SHANK2: variants seen among roughly 807,000 people sequenced by gnomAD.
SHANK2 encodes the protein SH3 and multiple ankyrin repeat domains 2, also known as SH3 and multiple ankyrin repeat domains protein 2.
SHANK2 carries 43 observed loss-of-function variants against 133.7 expected under a neutral mutation model. The ratio of observed to expected loss-of-function variants is 0.32; its 90% CI spans 0.25 to 0.41. The LOEUF (loss-of-function observed/expected upper bound fraction) is 0.41, where lower values mean the gene tolerates loss of function less well. Ranked by LOEUF, SHANK2 falls within the 10% of genes least tolerant of loss-of-function variation. The pLI, the probability that SHANK2 is intolerant of heterozygous loss-of-function variation, is 1.00. For synonymous variants in SHANK2, 1,017 were observed against 952.8 expected (o/e 1.07, Z -1.24); for missense variants, 1,994 against 2,235.8 (o/e 0.89, Z 2.18).
At chr11:70,657,985 G>A (rs149645882) in intron 17 of SHANK2, among the ~76,000 whole-genome samples, 153 of 152,270 alleles carry the variant, frequency 1.0e-3, no homozygotes, top group Non-Finnish European at 1.8e-3. Context: ...ACGTGCCTCA[G>A]CAGGCCACGT....
intron 3 of SHANK2, among the ~76,000 whole-genome samples, chr11:71,125,293 C>G (rs1952160836): frequency 6.6e-6 from 1 of 152,028 alleles, no homozygotes; most frequent in Non-Finnish European, 1.5e-5. Flanking sequence ...TGAGTCAGGC[C>G]AAAAGTGAGG....
chr11:70,503,085 G>C (rs1376190142), intron 17 of SHANK2, among the ~76,000 whole-genome samples, 154 bp from the exon 18 acceptor site: 1 of 152,208 alleles, frequency 6.6e-6, no homozygotes, highest in Non-Finnish European at 1.5e-5. Context: ...AAGCAAAGGT[G>C]CTTTTGGGGA....
chr11:70,893,887 AAT>A (rs1298061688), intron 11 of SHANK2, among the ~76,000 whole-genome samples: 21 of 152,182 alleles, frequency 1.4e-4, no homozygotes, highest in African/African-American at 4.8e-4. Context: ...GGCACTTCAA[AAT>A]ATGTTAGTCA....
intron 17 of SHANK2, among the ~76,000 whole-genome samples, chr11:70,532,199 A>G (rs186309171): frequency 4.6e-5 from 7 of 152,184 alleles, no homozygotes; most frequent in Non-Finnish European, 7.3e-5. Flanking sequence ...GTTCTCAGGA[A>G]CATGTCAGTT....
chr11:70,584,474 C>A (rs536761353), intron 17 of SHANK2, among the ~76,000 whole-genome samples: 1 of 152,266 alleles, frequency 6.6e-6, no homozygotes, highest in Admixed American at 6.5e-5. Flanking sequence ...CCACCCCACC[C>A]CTCCTCTATC....
At position 70,807,090 on chromosome 11, in the gene SHANK2, G is replaced by A. The variant is rs1948180064; in HGVS notation, c.1575C>T (p.Ala525=). 2.8e-6 allele frequency: 2 copies of A among 717,922 alleles called. No homozygotes were observed. Among genetic ancestry groups the A allele is most frequent in the Non-Finnish European group, 5.2e-6 (2 of 384,994 alleles). 44.5% of individuals were successfully genotyped at this position (717,922 alleles called of 1,614,324 possible). Residue 525 remains alanine, a synonymous_variant, in exon 13 of 26, where the codon GCC becomes GCT. Transcript: ENST00000601538. This position sits in a 1 kb window ranked among gnomAD's most constrained non-coding sequence, Gnocchi z 4.8. ...YPGPKRKLYS[A]VPGRLFVAVK... is the part of the protein sequence containing the mutation. Reference sequence around the variant, plus strand: ...CAGCGACGAAGAGCCTCCCGGGCACGGCACTGTAGAGCTTCCGCTTGGGCC... The same window carrying A: ...CAGCGACGAAGAGCCTCCCGGGCACAGCACTGTAGAGCTTCCGCTTGGGCC...
At chr11:70,945,684 C>A (rs975928719) in intron 10 of SHANK2, among the ~76,000 whole-genome samples, 13 of 152,188 alleles carry the variant, frequency 8.5e-5, no homozygotes, top group Non-Finnish European at 1.5e-4. Flanking sequence ...GGGTTGACCT[C>A]AGGTGGCTTT....
intron 10 of SHANK2, among the ~76,000 whole-genome samples, chr11:70,929,588 A>T (rs1555082167): frequency 6.6e-6 from 1 of 151,864 alleles, no homozygotes; most frequent in Non-Finnish European, 1.5e-5. Context: ...GCATCTTCAA[A>T]TCTCTCTCCG....
chr11:70,562,680 G>C (rs1187399502), intron 17 of SHANK2, among the ~76,000 whole-genome samples: 6 of 151,998 alleles, frequency 3.9e-5, no homozygotes, highest in African/African-American at 1.4e-4. Flanking sequence ...GTGCTCCTTG[G>C]AGGTGAGCAT....
At chr11:71,220,246 A>AAAC (rs1389077175) in intron 2 of SHANK2, among the ~76,000 whole-genome samples, 2 of 148,386 alleles carry the variant, frequency 1.3e-5, no homozygotes, top group African/African-American at 5.1e-5. Context: ...AAACAGAAAC[A>AAAC]AACAAACAAA....
chr11:71,225,793 T>A (rs782196575), intron 1 of SHANK2, among the ~76,000 whole-genome samples: 1 of 152,212 alleles, frequency 6.6e-6, no homozygotes, highest in Non-Finnish European at 1.5e-5. Flanking sequence ...ACCAGAGCAG[T>A]GCCTTTCACC....
chr11:70,941,186 T>C (rs1011704836), intron 10 of SHANK2, among the ~76,000 whole-genome samples: 1 of 152,206 alleles, frequency 6.6e-6, no homozygotes, highest in South Asian at 2.1e-4. Context: ...CTGGCCCCTA[T>C]GTGTATACAG....
chr11:71,093,054 G>A lies in SHANK2; in HGVS notation c.745-465C>T, dbSNP rs1042838609. Among the ~76,000 whole-genome samples, 11 of 141,460 alleles carry A rather than the reference G, an allele frequency of 7.8e-5. 1 individual carries two copies. In the South Asian group the frequency reaches 2.6e-3, roughly 34 times the overall value. The allele number at this position is 141,460 out of a possible 152,430, so 92.8% of individuals were successfully genotyped here. A position where few individuals can be genotyped will look rare whatever the true frequency, so the allele number is the denominator to read the frequency against. On this transcript the variant is annotated intron_variant, in intron 7 of 25. Coordinates refer to ENST00000601538, the MANE Select transcript of SHANK2 (RefSeq NM_012309.5). ...CAAAGCTCAGTCTCAAAAATAAAGG[G>A]GGGGGGGGGCAGGTATAACTTTAGA... is the stretch of plus-strand genomic sequence containing the variant.
intron 14 of SHANK2, among the ~76,000 whole-genome samples, chr11:70,795,867 A>G (rs1947898858): frequency 6.6e-6 from 1 of 152,190 alleles, no homozygotes; most frequent in Non-Finnish European, 1.5e-5. Flanking sequence ...ATTCTCCCCC[A>G]CAGATTGCAG....
chr11:71,113,475 C>T (rs574869322), intron 4 of SHANK2, 111 bp from the exon 5 acceptor site: 1 of 900,778 alleles, frequency 1.1e-6, no homozygotes, highest in South Asian at 1.4e-5. Flanking sequence ...GGGAACCCCA[C>T]AGCAAACTTC....
chr11:70,861,028 C>T (rs1257867454), intron 11 of SHANK2, among the ~76,000 whole-genome samples: 2 of 152,236 alleles, frequency 1.3e-5, no homozygotes, highest in Admixed American at 1.3e-4. Context: ...CGGGGAGCAG[C>T]GCTGGCCTTT....
intron 11 of SHANK2, among the ~76,000 whole-genome samples, chr11:70,872,618 G>T (rs575223331): frequency 6.6e-6 from 1 of 151,976 alleles, no homozygotes; most frequent in Admixed American, 6.5e-5. Context: ...ACAGACCAGA[G>T]TCAGGGGCAC....
intron 17 of SHANK2, among the ~76,000 whole-genome samples, chr11:70,503,415 A>G (rs2059089615): frequency 6.6e-6 from 1 of 152,202 alleles, no homozygotes; most frequent in South Asian, 2.1e-4. Flanking sequence ...GGGAATGCAC[A>G]TCACACTGAA....
At chr11:70,607,281 C>G (rs1006108981) in intron 17 of SHANK2, among the ~76,000 whole-genome samples, 31 of 152,330 alleles carry the variant, frequency 2.0e-4, no homozygotes, top group African/African-American at 7.5e-4. Flanking sequence ...GGTTTCCAGG[C>G]TGAACTCTGA....
Sources: allele counts gnomAD v4.1 joint callset (sites outside exome capture counted in the v4.1 genomes callset), GRCh38; gene constraint gnomAD v4.1.1; non-coding constraint Gnocchi (gnomAD v3.1); transcripts MANE v1.5; gene names NCBI Gene and HGNC (gene_info 2026-07-23, HGNC 2026-07-21).